Variants in RAPGEFL1 observed in about 807,000 individuals in gnomAD.
The protein encoded by RAPGEFL1 is Rap guanine nucleotide exchange factor like 1, also known as rap guanine nucleotide exchange factor-like 1.
RAPGEFL1 carries 31 observed loss-of-function variants against 64.4 expected under a neutral mutation model. The observed-to-expected ratio is 0.48, with a 90% CI of 0.36 to 0.65. The LOEUF (loss-of-function observed/expected upper bound fraction) is 0.65. RAPGEFL1 is among the 30% of genes least tolerant of loss of function. The pLI is 0.00. For missense variants in RAPGEFL1, 682 were observed against 677.4 expected (o/e 1.01, Z -0.08); for synonymous variants, 331 against 274.1 (o/e 1.21, Z -2.05).
chr17:40,177,038 G>C (rs188132076), upstream of RAPGEFL1: 78 of 701,458 alleles, frequency 1.1e-4, no homozygotes, highest in African/African-American at 1.1e-3. Flanking sequence ...GGACAGATGG[G>C]CACCGCCTCC....
rs746652279 is a variant in RAPGEFL1, at chr17:40,193,549, G to A, written c.1865-115G>A. 37 of 1,585,488 alleles carry A rather than the reference G, an allele frequency of 2.3e-5. No homozygotes were observed. The East Asian group carries it at 2.5e-4, about 11-fold the overall frequency. On this transcript the variant is annotated intron_variant, in intron 14 of 14. Transcript: ENST00000620260. ...TCCCCATTCTCTCCTTGCCTCTGCA[G>A]AGGCCTTCCTGCCCAACATCTGTCT...
At chr17:40,192,102 A>G (rs1990295605) in intron 10 of RAPGEFL1, 111 bp from the exon 11 acceptor site, 4 of 998,302 alleles carry the variant, frequency 4.0e-6, no homozygotes, top group African/African-American at 3.2e-5. Context: ...CCAGCCCCCT[A>G]CAAGCCATGC....
chr17:40,188,988 G>T lies in RAPGEFL1; in HGVS notation c.946+10G>T. On this transcript the variant is annotated intron_variant, in intron 5 of 14. Coordinates refer to ENST00000620260, the MANE Select transcript of RAPGEFL1 (RefSeq NM_016339.6). ...CGGGGCTCTGATGAGAGTGAGTGTGGGCATTAGGAGGGGCAGGGTGTCCTG... is the reference window on the plus strand; with the variant it reads ...CGGGGCTCTGATGAGAGTGAGTGTGTGCATTAGGAGGGGCAGGGTGTCCTG... 6.2e-7 allele frequency: 1 copy of T among 1,610,416 alleles called. No individual in the cohort carries two copies. Among genetic ancestry groups the T allele is most frequent in the Non-Finnish European group, 8.5e-7 (1 of 1,176,794 alleles).
In RAPGEFL1 at chr17:40,191,174, T is replaced by G; in HGVS notation, c.1336-142T>G. The G allele has an allele frequency of 1.4e-6, 1 of 739,306 alleles. No homozygotes were observed. Among genetic ancestry groups the G allele is most frequent in the Non-Finnish European group, 2.1e-6 (1 of 472,722 alleles). 45.8% of individuals were successfully genotyped at this position (739,306 alleles called of 1,614,324 possible). A position where few individuals can be genotyped will look rare whatever the true frequency, so the allele number is the denominator to read the frequency against. ...CTTTTTCCGCATCTTTGCCGCCTCC[T>G]GTCCTTTCTATTTTTCTATTTTCCA... is the stretch of plus-strand genomic sequence containing the variant. On this transcript the variant is annotated intron_variant, in intron 8 of 14. Transcript: ENST00000620260. This position sits in a 1 kb window ranked among gnomAD's most constrained non-coding sequence, Gnocchi z 5.1.
At chr17:40,181,203 C>A in intron 1 of RAPGEFL1, 1 of 410,868 alleles carries the variant, frequency 2.4e-6, no homozygotes, top group South Asian at 1.8e-5. Flanking sequence ...GAGGGATACA[C>A]ACACATGCAC....
intron 13 of RAPGEFL1, 69 bp downstream of exon 13, chr17:40,193,059 AC>A (rs1249711554): frequency 1.4e-6 from 2 of 1,403,132 alleles, no homozygotes; most frequent in African/African-American, 2.8e-5. Flanking sequence ...CTCTCTCATC[AC>A]CTCCCAAAAA....
chr17:40,192,097 C>A, intron 10 of RAPGEFL1, 116 bp from the exon 11 acceptor site: 2 of 922,574 alleles, frequency 2.2e-6, no homozygotes, highest in Non-Finnish European at 3.5e-6. Flanking sequence ...GCTTCCCAGC[C>A]CCCTACAAGC....
At chr17:40,193,510 A>G (rs1020961227) in intron 14 of RAPGEFL1, 93 bp downstream of exon 14, 2 of 1,577,330 alleles carry the variant, frequency 1.3e-6, no homozygotes, top group Non-Finnish European at 1.7e-6. Context: ...GTGTATTTCC[A>G]TACACTTGCT....
Position 40,191,348 on chromosome 17 carries a change from G to C in RAPGEFL1, c.1368G>C (p.Glu456Asp). The C allele has an allele frequency of 6.3e-7, 1 of 1,590,938 alleles. No individual in the cohort carries two copies. Among genetic ancestry groups the C allele is most frequent in the Non-Finnish European group, 8.5e-7 (1 of 1,175,906 alleles). The change falls in exon 9 of 15, where the codon GAG becomes GAC. Residue 456 changes from glutamate to aspartate, a missense_variant. By Grantham distance (45) the Glu-to-Asp change is conservative (BLOSUM62 2). Coordinates refer to ENST00000620260, the MANE Select transcript of RAPGEFL1 (RefSeq NM_016339.6). This position sits in a 1 kb window ranked among gnomAD's most constrained non-coding sequence, Gnocchi z 5.1. ...LEFVDYVFHG[E>D]RGRRETANLE... Reference sequence around the variant, plus strand: ...TCGTGGACTACGTGTTCCACGGGGAGCGCGGCCGCCGGGAGACGGCCAACT... The same window carrying C: ...TCGTGGACTACGTGTTCCACGGGGACCGCGGCCGCCGGGAGACGGCCAACT...
rs1265428573 is a variant in RAPGEFL1 at position 40,183,053 on chromosome 17, C to A, written c.600-1161C>A. ...ATCTCAGCTACTCAGGAACCTGAGG[C>A]AGGAGAATCGCTTGAACCCAGGAGG... is the stretch of plus-strand genomic sequence containing the variant. On this transcript the variant is annotated intron_variant, in intron 2 of 14. Transcript: ENST00000620260. Among the ~76,000 whole-genome samples, 3 of 152,104 alleles carry A rather than the reference C, an allele frequency of 2.0e-5. No homozygotes were observed. In the East Asian group the frequency reaches 5.8e-4, roughly 29 times the overall value.
intron 13 of RAPGEFL1, 38 bp downstream of exon 13, chr17:40,193,028 T>A (rs1567697672): frequency 6.4e-7 from 1 of 1,565,084 alleles, no homozygotes; most frequent in Non-Finnish European, 8.8e-7. Context: ...GTCCCACAAG[T>A]GGGGGGCTTG....
chr17:40,177,637 G>A lies in RAPGEFL1; in HGVS notation c.-225G>A. ...CGCGTGCCGGCTGCAGCCGGCATGG[G>A]GGGTTGCTGAGAGCGAGCACTCCTT... is the stretch of plus-strand genomic sequence containing the variant. On this transcript the variant is annotated 5_prime_UTR_variant, in exon 1 of 15. Coordinates refer to ENST00000620260, the MANE Select transcript of RAPGEFL1 (RefSeq NM_016339.6). 2.5e-6 allele frequency: 1 copy of A among 406,814 alleles called. No individual in the cohort carries two copies. Among genetic ancestry groups the A allele is most frequent in the Non-Finnish European group, 4.3e-6 (1 of 234,520 alleles). The allele number at this position is 406,814 out of a possible 1,614,324, so 25.2% of individuals were successfully genotyped here.
intron 2 of RAPGEFL1, among the ~76,000 whole-genome samples, chr17:40,183,743 A>G (rs2145206098): frequency 6.8e-6 from 1 of 147,258 alleles, no homozygotes; most frequent in African/African-American, 2.5e-5. Context: ...ATGGTCTCAA[A>G]TTCCTGACCT....
intron 1 of RAPGEFL1, chr17:40,181,380 G>A (rs771088417): frequency 3.5e-4 from 222 of 629,620 alleles, no homozygotes; most frequent in Admixed American, 2.7e-4. Context: ...AAAGGCACGC[G>A]CCCCCCCCTT....
intron 2 of RAPGEFL1, among the ~76,000 whole-genome samples, chr17:40,183,063 G>A (rs571828746): frequency 7.9e-5 from 12 of 152,164 alleles, no homozygotes; most frequent in Non-Finnish European, 1.3e-4. Context: ...CAGGAGAATC[G>A]CTTGAACCCA....
rs376144898 is a variant in RAPGEFL1, at chr17:40,193,692, C to T, written c.1893C>T (p.His631=). The T allele has an allele frequency of 8.1e-6, 13 of 1,613,978 alleles. No individual in the cohort carries two copies. The highest frequency in any genetic ancestry group is 1.7e-5 in the Admixed American group (1 of 59,976). Reference sequence around the variant, plus strand: ...TGGACATGGAGGCATCCCCCAATCACCTGCAGACCAAGGCCTATGTGCGCC... The same window carrying T: ...TGGACATGGAGGCATCCCCCAATCATCTGCAGACCAAGGCCTATGTGCGCC... The part of the protein sequence containing the change: ...LCLDMEASPN[H]LQTKAYVRQF... The change falls in exon 15 of 15, where the codon CAC becomes CAT. Residue 631 remains histidine (H), a synonymous_variant. Coordinates refer to ENST00000620260, the MANE Select transcript of RAPGEFL1 (RefSeq NM_016339.6).
chr17:40,189,475 C>T, intron 6 of RAPGEFL1, 100 bp downstream of exon 6: 2 of 1,330,620 alleles, frequency 1.5e-6, no homozygotes, highest in Middle Eastern at 2.6e-4. Context: ...GCCCTTGCTA[C>T]TCAAAGTATG....
intron 2 of RAPGEFL1, 72 bp from the exon 3 acceptor site, chr17:40,184,142 C>G: frequency 8.5e-7 from 1 of 1,170,224 alleles, no homozygotes; most frequent in Non-Finnish European, 1.3e-6. Flanking sequence ...CTGCGCCCAG[C>G]CTAGCCTCCC....
intron 1 of RAPGEFL1, among the ~76,000 whole-genome samples, chr17:40,180,245 G>A (rs1989852230): frequency 6.6e-6 from 1 of 152,164 alleles, no homozygotes; most frequent in African/African-American, 2.4e-5. Context: ...GGGCAGGGAG[G>A]AAAAGGGAGA....
Sources: allele counts gnomAD v4.1 joint callset (sites outside exome capture counted in the v4.1 genomes callset), GRCh38; gene constraint gnomAD v4.1.1; non-coding constraint Gnocchi (gnomAD v3.1); transcripts MANE v1.5; gene names NCBI Gene and HGNC (gene_info 2026-07-23, HGNC 2026-07-21).